SGMS2: variants seen among roughly 807,000 people sequenced by gnomAD.
SGMS2 encodes the protein phosphatidylcholine:ceramide cholinephosphotransferase 2.
SGMS2 carries 21 observed loss-of-function variants against 43.8 expected under a neutral mutation model. That is an observed-to-expected ratio of 0.48 (90% confidence interval 0.34 to 0.69). The LOEUF (loss-of-function observed/expected upper bound fraction) is 0.69. Among genes scored for constraint, SGMS2 ranks in the 30% least tolerant of loss-of-function variants. The pLI is 0.01. For missense variants in SGMS2, 384 were observed against 443.2 expected (o/e 0.87, Z 1.20); for synonymous variants, 167 against 160.6 (o/e 1.04, Z -0.30).
intron 1 of SGMS2, among the ~76,000 whole-genome samples, chr4:107,835,582 G>A (rs922069577): frequency 3.3e-5 from 5 of 152,060 alleles, no homozygotes; most frequent in Admixed American, 6.5e-5. Flanking sequence ...GTGCAGTGTC[G>A]CATCGGACTC....
chr4:107,912,435 T>G lies in SGMS2; in HGVS notation c.*1882T>G, dbSNP rs188316836. ...GACATAATTCTATATAATGTTCGCT[T>G]ATATTCATTTATTAACTAGCAACAC... On this transcript the variant is annotated 3_prime_UTR_variant, in exon 7 of 7. Transcript: ENST00000690982. The G allele has an allele frequency of 2.6e-5, 4 of 152,320 alleles. No individual in the cohort carries two copies. The East Asian group carries it at 5.8e-4, about 22-fold the overall frequency. The allele number at this position is 152,320 out of a possible 1,614,324, so 9.4% of individuals were successfully genotyped here.
At chr4:107,893,045 G>T (rs911321857) in intron 2 of SGMS2, 1 of 151,948 alleles carries the variant, frequency 6.6e-6, no homozygotes, top group Non-Finnish European at 1.5e-5. Context: ...CACTAATAAC[G>T]ATAAATGGGC....
At chr4:107,881,917 T>C (rs552257468) in intron 2 of SGMS2, among the ~76,000 whole-genome samples, 1 of 152,310 alleles carries the variant, frequency 6.6e-6, no homozygotes, top group South Asian at 2.1e-4. Context: ...GTTTTCCAGT[T>C]CCATCCATAT....
chr4:107,836,383 G>T (rs531994583), intron 1 of SGMS2, among the ~76,000 whole-genome samples: 30 of 152,294 alleles, frequency 2.0e-4, no homozygotes, highest in Non-Finnish European at 4.1e-4. Context: ...CAGCACACTG[G>T]TTCCAGTGTC....
intron 2 of SGMS2, among the ~76,000 whole-genome samples, chr4:107,880,776 C>A (rs1261350372): frequency 6.6e-6 from 1 of 151,272 alleles, no homozygotes; most frequent in East Asian, 1.9e-4. Context: ...ATCGCTTGAA[C>A]CTGGGAGGCT....
intron 5 of SGMS2, among the ~76,000 whole-genome samples, chr4:107,903,993 A>G (rs1181858364): frequency 6.6e-6 from 1 of 152,106 alleles, no homozygotes; most frequent in African/African-American, 2.4e-5. Flanking sequence ...ATCTCTTTCT[A>G]TATTTGTATG....
At chr4:107,847,398 A>G (rs915114833) in intron 1 of SGMS2, among the ~76,000 whole-genome samples, 4 of 151,954 alleles carry the variant, frequency 2.6e-5, no homozygotes, top group African/African-American at 4.8e-5. Flanking sequence ...TGTTTTTCTC[A>G]GGTTTGTCAA....
chr4:107,827,871 A>G (rs1725680442), intron 1 of SGMS2, among the ~76,000 whole-genome samples: 1 of 152,142 alleles, frequency 6.6e-6, no homozygotes, highest in Non-Finnish European at 1.5e-5. Context: ...CTGTAGTCCC[A>G]GATACTCGGG....
chr4:107,840,483 T>C (rs1020301740), intron 1 of SGMS2, among the ~76,000 whole-genome samples: 1 of 152,162 alleles, frequency 6.6e-6, no homozygotes, highest in African/African-American at 2.4e-5. Context: ...CATAGCCTCA[T>C]CTCTCTATTA....
chr4:107,861,514 G>A (rs371532848), intron 2 of SGMS2, among the ~76,000 whole-genome samples: 4 of 152,122 alleles, frequency 2.6e-5, no homozygotes, highest in African/African-American at 9.7e-5. Flanking sequence ...GAAATAGTTT[G>A]GAGAGTGATT....
chr4:107,909,164 G>A (rs1433308792), intron 6 of SGMS2, among the ~76,000 whole-genome samples: 1 of 150,624 alleles, frequency 6.6e-6, no homozygotes, highest in African/African-American at 2.4e-5. Context: ...GGAGTACAGT[G>A]GTGCAATCTT....
chr4:107,868,064 A>G (rs1178436134), intron 2 of SGMS2, among the ~76,000 whole-genome samples: 2 of 152,224 alleles, frequency 1.3e-5, no homozygotes, highest in African/African-American at 4.8e-5. Context: ...TTAGCTCTGC[A>G]TGATCACAAT....
intron 2 of SGMS2, among the ~76,000 whole-genome samples, chr4:107,873,608 CTG>C (rs886389357): frequency 2.0e-5 from 3 of 151,820 alleles, no homozygotes; most frequent in Admixed American, 6.6e-5. Context: ...TATACTTATG[CTG>C]TGTTTATTTG....
At chr4:107,852,746 A>ATT (rs56359938) in intron 1 of SGMS2, among the ~76,000 whole-genome samples, 5,216 of 146,654 alleles carry the variant, frequency 0.036, 291 homozygotes, top group African/African-American at 0.12. Flanking sequence ...CTTGTTTCTC[A>ATT]TTTTTTTTTT....
At chr4:107,861,069 G>A (rs1029559948) in intron 2 of SGMS2, among the ~76,000 whole-genome samples, 6 of 152,094 alleles carry the variant, frequency 3.9e-5, no homozygotes, top group African/African-American at 9.7e-5. Flanking sequence ...GGTCTCTTTC[G>A]CCTGGCCATA....
chr4:107,835,293 T>TA (rs1377613116), intron 1 of SGMS2, among the ~76,000 whole-genome samples: 2 of 151,856 alleles, frequency 1.3e-5, no homozygotes, highest in African/African-American at 4.8e-5. Context: ...TGTAGAAGTA[T>TA]AAAAAAAATT....
At position 107,910,988 on chromosome 4, in the gene SGMS2, G is replaced by C. The variant is rs1442144507; in HGVS notation, c.*435G>C. On this transcript the variant is annotated 3_prime_UTR_variant, in exon 7 of 7. Coordinates refer to ENST00000690982, the MANE Select transcript of SGMS2 (RefSeq NM_001375905.1). ...TAAATAGAACTGCCTAATGTTGAGAGTGGTTTTTAGCATTAGGTTTAGCAA... is the reference window on the plus strand; with the variant it reads ...TAAATAGAACTGCCTAATGTTGAGACTGGTTTTTAGCATTAGGTTTAGCAA... 6.2e-6 allele frequency: 1 copy of C among 161,186 alleles called. No homozygotes were observed. Among genetic ancestry groups the C allele is most frequent in the African/African-American group, 2.4e-5 (1 of 41,476 alleles). 10.0% of individuals were successfully genotyped at this position (161,186 alleles called of 1,614,324 possible).
chr4:107,876,714 A>T (rs1016786071), intron 2 of SGMS2, among the ~76,000 whole-genome samples: 21 of 152,176 alleles, frequency 1.4e-4, no homozygotes, highest in Admixed American at 1.2e-3. Context: ...ATTTTCAGAG[A>T]ACTATTCTTT....
chr4:107,832,726 G>C (rs1376263749), intron 1 of SGMS2, among the ~76,000 whole-genome samples: 3 of 152,254 alleles, frequency 2.0e-5, no homozygotes, highest in Non-Finnish European at 4.4e-5. Context: ...TTTCAATATT[G>C]CTATTGAAAG....
Sources: gnomAD v4.1 joint callset for allele counts (sites outside exome capture counted in the v4.1 genomes callset) on GRCh38, gnomAD v4.1.1 for gene constraint, MANE v1.5 for transcripts, NCBI Gene and HGNC (gene_info 2026-07-23, HGNC 2026-07-21) for gene names.